TNFRSF11A: variants seen among roughly 807,000 people sequenced by gnomAD.
TNFRSF11A encodes TNF receptor superfamily member 11a.
In TNFRSF11A, 32 loss-of-function variants were observed where a neutral mutation model predicts 55.7. The observed-to-expected ratio is 0.57, with a 90% CI of 0.43 to 0.77. TNFRSF11A has a LOEUF of 0.77. Among genes scored for constraint, TNFRSF11A ranks in the 30% least tolerant of loss-of-function variants. The probability of loss-of-function intolerance (pLI) is 0.00; values close to 1 mark genes in which losing one functional copy is unlikely to be tolerated. For missense variants in TNFRSF11A, 753 were observed against 809.8 expected (o/e 0.93, Z 0.85); for synonymous variants, 311 against 331.0 (o/e 0.94, Z 0.65).
chr18:62,372,101 T>C (rs781454016), intron 9 of TNFRSF11A, among the ~76,000 whole-genome samples: 1 of 152,202 alleles, frequency 6.6e-6, no homozygotes, highest in Non-Finnish European at 1.5e-5. Flanking sequence ...TCCACAAGTG[T>C]AGACAACTTT....
At chr18:62,357,481 G>A (rs990226839) in intron 4 of TNFRSF11A, among the ~76,000 whole-genome samples, 2 of 152,242 alleles carry the variant, frequency 1.3e-5, no homozygotes, top group Non-Finnish European at 2.9e-5. Flanking sequence ...AAGATCCATT[G>A]TGCCACTGTG....
chr18:62,329,259 A>G (rs2046116716), intron 1 of TNFRSF11A, among the ~76,000 whole-genome samples: 1 of 152,242 alleles, frequency 6.6e-6, no homozygotes, highest in South Asian at 2.1e-4. Flanking sequence ...GCAACTGTCC[A>G]GGTGGTTCAC....
chr18:62,349,166 CTT>C (rs35392545), intron 2 of TNFRSF11A, among the ~76,000 whole-genome samples: 59 of 143,320 alleles, frequency 4.1e-4, no homozygotes, highest in Middle Eastern at 3.6e-3. Context: ...CATTCTATTC[CTT>C]TTTTTTTTTT....
rs766728992 is a variant in TNFRSF11A, at chr18:62,369,254, G to A, written c.1337G>A (p.Cys446Tyr). 1 of 1,613,474 alleles carries A rather than the reference G, an allele frequency of 6.2e-7. No homozygotes were observed. Among genetic ancestry groups the A allele is most frequent in the Non-Finnish European group, 8.5e-7 (1 of 1,180,038 alleles). ...CCCAGCCCCAACTGGGCAGATGTCTGCACAGGCTGCCGGAACCCTCCTGGG... is the reference window on the plus strand; with the variant it reads ...CCCAGCCCCAACTGGGCAGATGTCTACACAGGCTGCCGGAACCCTCCTGGG... ...ASPSPNWADV[C>Y]TGCRNPPGED... Residue 446 changes from cysteine to tyrosine, a missense_variant, in exon 9 of 10, where the codon TGC becomes TAC. Transcript: ENST00000586569.
At chr18:62,359,823 G>T in intron 5 of TNFRSF11A, 132 bp from the exon 6 acceptor site, 2 of 757,942 alleles carry the variant, frequency 2.6e-6, no homozygotes, top group Non-Finnish European at 4.7e-6. Context: ...AAGGCACAGG[G>T]GATTCAAATG....
chr18:62,371,753 A>G (rs1372744642), intron 9 of TNFRSF11A, among the ~76,000 whole-genome samples: 1 of 152,222 alleles, frequency 6.6e-6, no homozygotes, highest in Non-Finnish European at 1.5e-5. Context: ...TCTGGTCAAA[A>G]TAGTACTTTC....
At chr18:62,376,167 C>G (rs1910879389) in intron 9 of TNFRSF11A, among the ~76,000 whole-genome samples, 1 of 152,130 alleles carries the variant, frequency 6.6e-6, no homozygotes, top group Admixed American at 6.5e-5. Context: ...TGATGGTCCC[C>G]TGGTTATGGT....
intron 7 of TNFRSF11A, among the ~76,000 whole-genome samples, chr18:62,365,964 AT>A (rs1910056829): frequency 6.6e-6 from 1 of 151,934 alleles, no homozygotes; most frequent in South Asian, 2.1e-4. Flanking sequence ...ATTACAGGAC[AT>A]TGCCACCATG....
intron 1 of TNFRSF11A, among the ~76,000 whole-genome samples, chr18:62,327,618 T>C (rs531228204): frequency 4.7e-4 from 72 of 152,338 alleles, no homozygotes; most frequent in African/African-American, 1.6e-3. Context: ...AGGAATGGCA[T>C]TGACAGTTCA....
Position 62,385,080 on chromosome 18 carries a change from G to C in TNFRSF11A, c.*46G>C, listed in dbSNP as rs993062525. On this transcript the variant is annotated 3_prime_UTR_variant, in exon 10 of 10. Coordinates refer to ENST00000586569, the MANE Select transcript of TNFRSF11A (RefSeq NM_003839.4). ...CCCGAAGCTCGGAGCCAGGGCTCGC[G>C]AGGGCAGCACCGCAGCCTCTGCCCC... The C allele has an allele frequency of 4.2e-6, 6 of 1,432,182 alleles. No homozygotes were observed. The highest frequency in any genetic ancestry group is 1.5e-5 in the South Asian group (1 of 68,018). 88.7% of individuals were successfully genotyped at this position (1,432,182 alleles called of 1,614,324 possible). A position where few individuals can be genotyped will look rare whatever the true frequency, so the allele number is the denominator to read the frequency against.
intron 3 of TNFRSF11A, among the ~76,000 whole-genome samples, chr18:62,350,850 TTCTC>T (rs1479369989): frequency 2.6e-5 from 4 of 151,350 alleles, no homozygotes; most frequent in African/African-American, 7.3e-5. Flanking sequence ...AGAGGTTCCT[TTCTC>T]TCCCTTCTTT....
rs1398414487 is a variant in TNFRSF11A, at chr18:62,348,266, G to A, written c.157+17G>A. ...GTGAACCAGGTACACCTGCTTCTGAGCCACCTTGCATTGCCCCTCAAAAGT... is the reference window on the plus strand; with the variant it reads ...GTGAACCAGGTACACCTGCTTCTGAACCACCTTGCATTGCCCCTCAAAAGT... On this transcript the variant is annotated intron_variant, in intron 2 of 9. Transcript: ENST00000586569. 2 of 1,611,428 alleles carry A rather than the reference G, an allele frequency of 1.2e-6. No individual in the cohort carries two copies. The highest frequency in any genetic ancestry group is 1.7e-6 in the Non-Finnish European group (2 of 1,177,680).
At chr18:62,332,175 A>G (rs2046164828) in intron 1 of TNFRSF11A, among the ~76,000 whole-genome samples, 1 of 152,212 alleles carries the variant, frequency 6.6e-6, no homozygotes, top group African/African-American at 2.4e-5. Context: ...CAGAAATCCT[A>G]CTGGCACCAC....
At chr18:62,331,190 G>A (rs1833281866) in intron 1 of TNFRSF11A, among the ~76,000 whole-genome samples, 2 of 151,486 alleles carry the variant, frequency 1.3e-5, no homozygotes, top group African/African-American at 4.9e-5. Flanking sequence ...GTGACAGAGC[G>A]AGACTCCATC....
chr18:62,373,452 CA>C (rs537667985), intron 9 of TNFRSF11A, among the ~76,000 whole-genome samples: 84 of 139,830 alleles, frequency 6.0e-4, no homozygotes, highest in East Asian at 8.2e-4. Context: ...GACTCTGTCT[CA>C]AAAAAAAAAA....
chr18:62,373,706 G>A (rs1046630032), intron 9 of TNFRSF11A, among the ~76,000 whole-genome samples: 3 of 152,192 alleles, frequency 2.0e-5, no homozygotes, highest in African/African-American at 7.2e-5. Context: ...GGCTCACCTA[G>A]TGTCCTGGGC....
At chr18:62,333,964 A>C (rs2046193381) in intron 1 of TNFRSF11A, among the ~76,000 whole-genome samples, 1 of 151,562 alleles carries the variant, frequency 6.6e-6, no homozygotes, top group Admixed American at 6.6e-5. Context: ...TCCCCCATTC[A>C]AGCAATTCTC....
rs932936700 is a variant in TNFRSF11A at position 62,358,266 on chromosome 18, CAG to C, written c.447_448del (p.Cys151GlnfsTer10). The C allele has an allele frequency of 2.5e-6, 4 of 1,601,832 alleles. No homozygotes were observed. The African/African-American group carries it at 5.4e-5, about 22-fold the overall frequency. ...CTCACAGTGCAGCTCAACAAGGACA[CAG>C]TGTGCAAACCTTGCCTTGCAGGCTA... is the stretch of plus-strand genomic sequence containing the variant. On this transcript the variant is annotated frameshift_variant, in exon 5 of 10. Coordinates refer to ENST00000586569, the MANE Select transcript of TNFRSF11A (RefSeq NM_003839.4). LOFTEE classifies it high-confidence loss of function.
chr18:62,373,690 G>T (rs1910709799), intron 9 of TNFRSF11A, among the ~76,000 whole-genome samples: 1 of 152,174 alleles, frequency 6.6e-6, no homozygotes, highest in Non-Finnish European at 1.5e-5. Context: ...GGCACTGGCT[G>T]CCCTGGGCTC....
Sources: gnomAD v4.1 joint callset for allele counts (sites outside exome capture counted in the v4.1 genomes callset) on GRCh38, gnomAD v4.1.1 for gene constraint, MANE v1.5 for transcripts, NCBI Gene and HGNC (gene_info 2026-07-23, HGNC 2026-07-21) for gene names.